Variants in HSPG2 observed in about 807,000 individuals in gnomAD.
HSPG2 encodes heparan sulfate proteoglycan 2.
A neutral mutation model predicts 526.6 loss-of-function variants in HSPG2; 278 were observed. The ratio of observed to expected loss-of-function variants is 0.53; its 90% CI spans 0.48 to 0.58. HSPG2 has a LOEUF of 0.58. HSPG2 is among the 20% of genes least tolerant of loss of function. HSPG2 has a pLI of 0.00. For missense variants in HSPG2, 5,354 were observed against 6,099.5 expected, an observed-to-expected ratio of 0.88 and a Z score of 4.07; for synonymous variants, 2,465 against 2,555.4, an observed-to-expected ratio of 0.96 and a Z score of 1.07.
Position 21,865,063 on chromosome 1 carries a change from C to T in HSPG2, c.4406G>A (p.Arg1469His), listed in dbSNP as rs373234129. Residue 1469 changes from arginine to histidine, a missense_variant, in exon 36 of 97, where the codon CGC (arginine) becomes CAC (histidine). By Grantham distance (29) the Arg-to-His change is conservative (BLOSUM62 0). Coordinates refer to ENST00000374695, the MANE Select transcript of HSPG2 (RefSeq NM_005529.7). The surrounding 1 kb of genome is among the most constrained non-coding windows in gnomAD (Gnocchi z 5.4). ...TGTGGCCGGCTGCCCATCGGGCCGGCGCCAGAATTCCTGGGTTGGGGGTGG... is the reference window on the plus strand; with the variant it reads ...TGTGGCCGGCTGCCCATCGGGCCGGTGCCAGAATTCCTGGGTTGGGGGTGG... ...YEIMFREEFWRRPDGQPATRE... is the reference protein window; with the variant it reads ...YEIMFREEFWHRPDGQPATRE... 5.8e-6 allele frequency: 9 copies of T among 1,562,420 alleles called. No homozygotes were observed. The highest frequency in any genetic ancestry group is 1.4e-5 in the African/African-American group (1 of 73,654).
At chr1:21,885,299 C>T (rs1250325366) in intron 10 of HSPG2, 21 bp downstream of exon 10, 5 of 1,613,706 alleles carry the variant, frequency 3.1e-6, no homozygotes, top group African/African-American at 1.3e-5. Context: ...GCCCGCATCT[C>T]GACCCCAGCT....
intron 1 of HSPG2, among the ~76,000 whole-genome samples, chr1:21,907,072 A>AGGGAAG (rs1169179703): frequency 1.3e-5 from 2 of 152,158 alleles, no homozygotes; most frequent in African/African-American, 2.4e-5. Context: ...ATCCAGACAC[A>AGGGAAG]GCCTGAGCCT....
chr1:21,823,474 C>A lies in HSPG2; in HGVS notation c.13018G>T (p.Val4340Leu). ...GSVYIGGAPDVATLTGGRFSS... is the reference protein window; with the variant it reads ...GSVYIGGAPDLATLTGGRFSS... ...AATCTGCCCCCGGTCAGCGTGGCCA[C>A]GTCAGGGGCTCCGCCTGCCGGGAGG... Residue 4340 changes from valine to leucine, a missense_variant, in exon 97 of 97, where the codon GTG becomes TTG. Val to Leu is a conservative substitution (Grantham distance 32). Coordinates refer to ENST00000374695, the MANE Select transcript of HSPG2 (RefSeq NM_005529.7). 1 of 1,599,734 alleles carries A rather than the reference C, an allele frequency of 6.3e-7. No individual in the cohort carries two copies. Among genetic ancestry groups the A allele is most frequent in the East Asian group, 2.2e-5 (1 of 44,542 alleles).
intron 66 of HSPG2, 29 bp from the exon 67 acceptor site, chr1:21,842,950 G>C (rs1005856507): frequency 3.7e-6 from 6 of 1,613,410 alleles, no homozygotes; most frequent in African/African-American, 1.3e-5. Flanking sequence ...GGTGAGAGAG[G>C]CCAGGCTCCG....
Position 21,892,345 on chromosome 1 carries a change from G to A in HSPG2, c.245-1651C>T, listed in dbSNP as rs901135242. 2.7e-4 allele frequency among the ~76,000 whole-genome samples: 41 copies of A among 152,274 alleles called. 1 individual carries two copies. Among genetic ancestry groups the A allele is most frequent in the African/African-American group, 8.2e-4 (34 of 41,480 alleles). On this transcript the variant is annotated intron_variant, in intron 3 of 96. Coordinates refer to ENST00000374695, the MANE Select transcript of HSPG2 (RefSeq NM_005529.7). ...CCTGGCCTCAGCCCCACGGCCCAGC[G>A]CGGGCGAGGAGGCCGGGCCTCTGCC...
intron 1 of HSPG2, among the ~76,000 whole-genome samples, chr1:21,903,098 T>C (rs1053719986): frequency 6.6e-6 from 1 of 152,150 alleles, no homozygotes; most frequent in African/African-American, 2.4e-5. Context: ...AGAAGAAAGC[T>C]AACTTCAGAA....
At chr1:21,899,427 C>T (rs1368346033) in intron 1 of HSPG2, among the ~76,000 whole-genome samples, 1 of 152,060 alleles carries the variant, frequency 6.6e-6, no homozygotes, top group Non-Finnish European at 1.5e-5. Context: ...TTACTATGCA[C>T]CAGGCACTCC....
At chr1:21,886,962 G>A (rs2152762010) in intron 9 of HSPG2, among the ~76,000 whole-genome samples, 1 of 152,354 alleles carries the variant, frequency 6.6e-6, no homozygotes, top group Non-Finnish European at 1.5e-5. Flanking sequence ...ACCACAGGCA[G>A]GCTAACCACA....
chr1:21,848,907 A>T lies in HSPG2; in HGVS notation c.7571T>A (p.Leu2524His). ...ASVLVTIQQR[L>H]SGSHSQGVAY... ...GAGACACTCACAGTGGGAGCCACTA[A>T]GGCGCTGCTGGATGGTGACAAGGAC... The change falls in exon 58 of 97, where the codon CTT (leucine) becomes CAT (histidine). Residue 2524 changes from leucine to histidine, a missense_variant. Physicochemically the swap from Leu to His is moderately conservative, Grantham distance 99. Transcript: ENST00000374695. This position sits in a 1 kb window ranked among gnomAD's most constrained non-coding sequence, Gnocchi z 4.9. The T allele has an allele frequency of 1.2e-6, 2 of 1,613,570 alleles. No homozygotes were observed. Among genetic ancestry groups the T allele is most frequent in the Non-Finnish European group, 1.7e-6 (2 of 1,179,966 alleles).
rs762445743 is a variant in HSPG2, at chr1:21,884,595, C to T, written c.1587G>A (p.Val529=). 1 of 1,610,750 alleles carries T rather than the reference C, an allele frequency of 6.2e-7. No individual in the cohort carries two copies. Among genetic ancestry groups the T allele is most frequent in the South Asian group, 1.1e-5 (1 of 91,010 alleles). The change falls in exon 13 of 97, where the codon GTG becomes GTA. Residue 529 remains valine (V), a synonymous_variant. Transcript: ENST00000374695. ...LPCFCFGITS[V]CQSTRRFRDQ... is the part of the protein sequence containing the mutation. ...CCCGGAAGCGGCGGGTGCTCTGGCA[C>T]ACGCTGGTGATGCCAAAGCAGAAGC...
At chr1:21,835,973 G>A (rs1219543935) in intron 75 of HSPG2, among the ~76,000 whole-genome samples, 3 of 113,038 alleles carry the variant, frequency 2.7e-5, no homozygotes, top group Non-Finnish European at 5.0e-5. Context: ...GACAGAGTAA[G>A]ATTCCATCTC....
rs777675608 is a variant in HSPG2 at position 21,847,958 on chromosome 1, C to T, written c.7873G>A (p.Val2625Met). ...TACCCCCTGCCCTCTCTGCTCTCAC[C>T]GTGGGAGGAACCGCTGCCCTGGATG... ...VTIQGSGSSHVPSVSPPIRIE... is the reference protein window; with the variant it reads ...VTIQGSGSSHMPSVSPPIRIE... The change falls in exon 60 of 97, where the codon GTG becomes ATG. Residue 2625 changes from valine (V) to methionine (M), a missense_variant and splice_region_variant. Physicochemically the swap from Val to Met is conservative, Grantham distance 21. Coordinates refer to ENST00000374695, the MANE Select transcript of HSPG2 (RefSeq NM_005529.7). The surrounding 1 kb of genome is among the most constrained non-coding windows in gnomAD (Gnocchi z 4.1). 13 of 1,613,720 alleles carry T rather than the reference C, an allele frequency of 8.1e-6. No individual in the cohort carries two copies. Among genetic ancestry groups the T allele is most frequent in the Admixed American group, 5.0e-5 (3 of 60,004 alleles).
intron 55 of HSPG2, chr1:21,851,284 T>C (rs1252172657): frequency 3.6e-6 from 2 of 553,120 alleles, no homozygotes; most frequent in East Asian, 3.2e-5. Context: ...GTACGTACCA[T>C]TGTTACCATT....
Position 21,839,113 on chromosome 1 carries a change from T to C in HSPG2, c.9890-28A>G, listed in dbSNP as rs760479845. On this transcript the variant is annotated intron_variant, in intron 73 of 96. Coordinates refer to ENST00000374695, the MANE Select transcript of HSPG2 (RefSeq NM_005529.7). The surrounding 1 kb of genome is among the most constrained non-coding windows in gnomAD (Gnocchi z 4.5). ...GAGTGGGGGGACACAGAGGTCAGGA[T>C]TGGGGAGGGCAAAGGTCAGAATGGC... 43 of 1,560,846 alleles carry C rather than the reference T, an allele frequency of 2.8e-5. No individual in the cohort carries two copies. The South Asian group carries it at 3.3e-4, about 12-fold the overall frequency.
intron 50 of HSPG2, 24 bp downstream of exon 50, chr1:21,854,169 G>T: frequency 1.3e-6 from 2 of 1,555,858 alleles, no homozygotes; most frequent in Non-Finnish European, 1.7e-6. Flanking sequence ...CTCAGCCCCG[G>T]CCCAGCCACA....
chr1:21,930,643 G>A (rs767869894), intron 1 of HSPG2, among the ~76,000 whole-genome samples: 15 of 151,996 alleles, frequency 9.9e-5, no homozygotes, highest in African/African-American at 1.5e-4. Context: ...ACGTGGTGGC[G>A]TGTTCCTGTA....
chr1:21,901,364 G>A (rs376909293), intron 1 of HSPG2, among the ~76,000 whole-genome samples: 1 of 152,132 alleles, frequency 6.6e-6, no homozygotes, highest in Admixed American at 6.5e-5. Context: ...GTAGGGGTGA[G>A]GGGTAGGTGT....
chr1:21,933,575 G>T (rs1452561774), intron 1 of HSPG2, among the ~76,000 whole-genome samples: 3 of 152,202 alleles, frequency 2.0e-5, no homozygotes, highest in African/African-American at 4.8e-5. Context: ...CCGTCTCCCG[G>T]GCAGGGCTTC....
Position 21,852,071 on chromosome 1 carries a change from T to A in HSPG2, c.6870+17A>T, listed in dbSNP as rs1438344114. ...CCACTGTCCATGGCCCCGTCCCACA[T>A]TCTTGGTGCCCTGTACCTGGTGCCG... On this transcript the variant is annotated intron_variant, in intron 53 of 96. Coordinates refer to ENST00000374695, the MANE Select transcript of HSPG2 (RefSeq NM_005529.7). The A allele has an allele frequency of 6.2e-7, 1 of 1,608,878 alleles. No homozygotes were observed. The highest frequency in any genetic ancestry group is 8.5e-7 in the Non-Finnish European group (1 of 1,177,850).
Sources: gnomAD v4.1 joint callset for allele counts (sites outside exome capture counted in the v4.1 genomes callset) on GRCh38, gnomAD v4.1.1 for gene constraint, Gnocchi (gnomAD v3.1) non-coding constraint, MANE v1.5 for transcripts, NCBI Gene and HGNC (gene_info 2026-07-23, HGNC 2026-07-21) for gene names.